Variants in NBAS observed in about 807,000 individuals in gnomAD.
NBAS encodes the protein NBAS subunit of NRZ tethering complex, also known as NAG/BC035112 fusion.
Under a neutral mutation model 302.5 loss-of-function variants are expected in NBAS, and 219 were observed. The observed-to-expected ratio is 0.72, with a 90% confidence interval of 0.65 to 0.81. The LOEUF (loss-of-function observed/expected upper bound fraction) is 0.81. Ranked by LOEUF, NBAS falls within the 30% of genes least tolerant of loss-of-function variation. The pLI is 0.00. For missense variants in NBAS, 2,932 were observed against 2,841.6 expected (o/e 1.03, Z -0.72); for synonymous variants, 1,118 against 1,021.6 (o/e 1.09, Z -1.80).
the NBAS span, among the ~76,000 whole-genome samples, chr2:15,061,720 C>T: frequency 6.6e-6 from 1 of 152,332 alleles, no homozygotes; most frequent in East Asian, 1.9e-4. Context: ...GGCTCCTTTC[C>T]AGCTCTGTGA....
At chr2:14,796,891 G>A in the NBAS span, among the ~76,000 whole-genome samples, 1 of 137,948 alleles carries the variant, frequency 7.2e-6, no homozygotes. Flanking sequence ...TGGCTAACAC[G>A]GTGAAACCCC....
chr2:15,281,356 A>G (rs1669816826), intron 42 of NBAS, among the ~76,000 whole-genome samples: 1 of 152,240 alleles, frequency 6.6e-6, no homozygotes, highest in Non-Finnish European at 1.5e-5. Context: ...CCACTTACAG[A>G]GAACTTACTA....
the NBAS span, among the ~76,000 whole-genome samples, chr2:15,026,602 G>T: frequency 6.6e-6 from 1 of 152,062 alleles, no homozygotes; most frequent in Admixed American, 6.5e-5. Context: ...GCATCCCAGG[G>T]ATAAAACCTA....
rs780649540 is a variant in NBAS at position 15,366,628 on chromosome 2, T to C, written c.3769A>G (p.Lys1257Glu). ...AGGCCCAGAAGCTTGGTGGATTGTT[T>C]ATAGCATGTGGGGGACTGGGAAATA... ...ECISQSPTCY[K>E]QSTKLLGLAE... The change falls in exon 32 of 52, where the codon AAA becomes GAA. Residue 1257 changes from lysine (K) to glutamate (E), a missense_variant. Transcript: ENST00000281513. 7 of 1,613,986 alleles carry C rather than the reference T, an allele frequency of 4.3e-6. No individual in the cohort carries two copies. The highest frequency in any genetic ancestry group is 3.3e-5 in the South Asian group (3 of 91,080).
At chr2:15,101,848 A>G in the NBAS span, among the ~76,000 whole-genome samples, 3 of 152,232 alleles carry the variant, frequency 2.0e-5, no homozygotes, top group Non-Finnish European at 4.4e-5. Flanking sequence ...AACAAACCTC[A>G]GTCTTCAGTG....
At chr2:14,807,440 C>CGTGTGT in the NBAS span, among the ~76,000 whole-genome samples, 118 of 128,628 alleles carry the variant, frequency 9.2e-4, no homozygotes, top group African/African-American at 4.1e-3. Flanking sequence ...TTTCAAATCC[C>CGTGTGT]GTGTGTGTGT....
intron 35 of NBAS, among the ~76,000 whole-genome samples, chr2:15,345,724 CT>C: frequency 6.6e-6 from 1 of 152,244 alleles, no homozygotes; most frequent in East Asian, 1.9e-4. Context: ...AAGAATCAAG[CT>C]AGAGGCATCA....
At chr2:14,997,712 C>G in the NBAS span, among the ~76,000 whole-genome samples, 1 of 152,098 alleles carries the variant, frequency 6.6e-6, no homozygotes, top group African/African-American at 2.4e-5. Flanking sequence ...TGTATTAGAG[C>G]CCCAGAGCTC....
the NBAS span, among the ~76,000 whole-genome samples, chr2:15,020,916 A>G: frequency 6.6e-6 from 1 of 152,062 alleles, no homozygotes; most frequent in African/African-American, 2.4e-5. Flanking sequence ...CTCAGTGCTT[A>G]CTCTGCACTG....
At chr2:15,270,353 C>T (rs993605558) in intron 44 of NBAS, among the ~76,000 whole-genome samples, 5 of 151,846 alleles carry the variant, frequency 3.3e-5, no homozygotes, top group Non-Finnish European at 5.9e-5. Flanking sequence ...TTAGTAGAGA[C>T]GGGGTTTCAC....
At chr2:15,073,941 A>G in the NBAS span, among the ~76,000 whole-genome samples, 1 of 152,244 alleles carries the variant, frequency 6.6e-6, no homozygotes, top group Non-Finnish European at 1.5e-5. Context: ...CAAAATGTCA[A>G]GAAGTTATGT....
chr2:15,219,040 T>C (rs1157111786), intron 47 of NBAS, 72 bp from the exon 48 acceptor site: 2 of 1,555,978 alleles, frequency 1.3e-6, no homozygotes, highest in African/African-American at 2.7e-5. Context: ...TAATCAAATG[T>C]GGTCACTGAC....
At chr2:15,198,374 G>A (rs756547862) in intron 48 of NBAS, among the ~76,000 whole-genome samples, 6 of 152,214 alleles carry the variant, frequency 3.9e-5, no homozygotes, top group African/African-American at 9.7e-5. Flanking sequence ...TATAAGAAGT[G>A]AGAAGTTAAC....
intron 23 of NBAS, among the ~76,000 whole-genome samples, chr2:15,420,323 G>C (rs1677150205): frequency 6.6e-6 from 1 of 152,208 alleles, no homozygotes; most frequent in African/African-American, 2.4e-5. Flanking sequence ...TTAAGAGGTA[G>C]ACTGAGGTGG....
At chr2:15,360,595 T>C (rs1388294367) in intron 32 of NBAS, among the ~76,000 whole-genome samples, 1 of 151,412 alleles carries the variant, frequency 6.6e-6, no homozygotes, top group African/African-American at 2.4e-5. Context: ...AGTGATTCAC[T>C]TGCCTCAACC....
At chr2:15,001,592 A>G in the NBAS span, among the ~76,000 whole-genome samples, 4 of 152,208 alleles carry the variant, frequency 2.6e-5, no homozygotes, top group African/African-American at 7.2e-5. Flanking sequence ...ATAATTTGAC[A>G]TATCATATAT....
At chr2:15,480,047 A>G (rs538291128) in intron 12 of NBAS, among the ~76,000 whole-genome samples, 59 of 152,352 alleles carry the variant, frequency 3.9e-4, no homozygotes, top group Middle Eastern at 3.4e-3. Flanking sequence ...CTATTTAGTG[A>G]AAACATATTG....
chr2:14,806,362 T>C, the NBAS span, among the ~76,000 whole-genome samples: 2 of 152,330 alleles, frequency 1.3e-5, no homozygotes, highest in East Asian at 3.9e-4. Flanking sequence ...CATATCTGTG[T>C]AGAGAGGTTC....
rs368859117 is a variant in NBAS at position 15,561,203 on chromosome 2, C to T, written c.102G>A (p.Pro34=). 7 of 1,613,706 alleles carry T rather than the reference C, an allele frequency of 4.3e-6. No homozygotes were observed. The African/African-American group carries it at 6.7e-5, about 15-fold the overall frequency. Reference sequence around the variant, plus strand: ...CCTGGTTCACCTGTACTTCAGTCTCCGGTGGCCACTCGGTGTTGACCAACA... The same window carrying T: ...CCTGGTTCACCTGTACTTCAGTCTCTGGTGGCCACTCGGTGTTGACCAACA... The part of the protein sequence containing the change: ...YDLLVNTEWP[P]ETEVQPRGNQ... The change falls in exon 1 of 52, where the codon CCG becomes CCA. Residue 34 remains proline, a synonymous_variant. Transcript: ENST00000281513.
Sources: allele counts gnomAD v4.1 joint callset (sites outside exome capture counted in the v4.1 genomes callset), GRCh38; gene constraint gnomAD v4.1.1; transcripts MANE v1.5; gene names NCBI Gene and HGNC (gene_info 2026-07-23, HGNC 2026-07-21).